TMC7: variants seen among roughly 807,000 people sequenced by gnomAD.
The protein encoded by TMC7 is transmembrane channel-like protein 7.
A neutral mutation model predicts 82.9 loss-of-function variants in TMC7; 54 were observed. That is an observed-to-expected ratio of 0.65 (90% CI 0.52 to 0.82). The LOEUF (loss-of-function observed/expected upper bound fraction) is 0.82. Among genes scored for constraint, TMC7 ranks in the 40% least tolerant of loss-of-function variants. The probability of loss-of-function intolerance (pLI) is 0.00; values close to 1 mark genes in which losing one functional copy is unlikely to be tolerated. For missense variants in TMC7, 820 were observed against 901.2 expected (o/e 0.91, Z 1.15); for synonymous variants, 350 against 337.9 (o/e 1.04, Z -0.39).
chr16:19,056,210 C>T (rs919424520), intron 13 of TMC7, among the ~76,000 whole-genome samples: 9 of 152,122 alleles, frequency 5.9e-5, no homozygotes, highest in Non-Finnish European at 1.2e-4. Context: ...CTACCTCAGC[C>T]TCCCAAGTAG....
chr16:19,016,211 T>C (rs1477039717), intron 2 of TMC7, among the ~76,000 whole-genome samples: 1 of 151,986 alleles, frequency 6.6e-6, no homozygotes, highest in African/African-American at 2.4e-5. Flanking sequence ...TGCCTCAGCC[T>C]CGTGGAGTAG....
chr16:19,014,416 A>G (rs1215888642), intron 2 of TMC7, among the ~76,000 whole-genome samples: 1 of 152,200 alleles, frequency 6.6e-6, no homozygotes, highest in East Asian at 1.9e-4. Flanking sequence ...TCCAAGTTAC[A>G]GATAAGGAAC....
intron 7 of TMC7, among the ~76,000 whole-genome samples, chr16:19,036,625 A>G (rs954560780): frequency 6.6e-6 from 1 of 152,166 alleles, no homozygotes; most frequent in African/African-American, 2.4e-5. Flanking sequence ...CTGAGGCAAG[A>G]GAATCAATTG....
chr16:18,995,742 A>C (rs2039033109), intron 1 of TMC7, among the ~76,000 whole-genome samples: 1 of 152,230 alleles, frequency 6.6e-6, no homozygotes, highest in African/African-American at 2.4e-5. Context: ...ACTTGGCTGC[A>C]TCTACTCTAT....
At chr16:18,994,612 G>C (rs954052315) in intron 1 of TMC7, among the ~76,000 whole-genome samples, 1 of 152,198 alleles carries the variant, frequency 6.6e-6, no homozygotes. Flanking sequence ...GATTTATGGG[G>C]TCAGCTAGGT....
chr16:19,060,894 C>T (rs1314410794), intron 15 of TMC7, among the ~76,000 whole-genome samples: 1 of 151,034 alleles, frequency 6.6e-6, no homozygotes. Flanking sequence ...TCAATTGATT[C>T]TCCTTCCTCA....
intron 5 of TMC7, among the ~76,000 whole-genome samples, chr16:19,023,697 T>A (rs1044208725): frequency 2.0e-5 from 3 of 152,196 alleles, no homozygotes; most frequent in African/African-American, 7.2e-5. Flanking sequence ...TCCACTCTCC[T>A]TGGCCTCCCA....
At chr16:18,987,764 G>T (rs1205024023) in intron 1 of TMC7, among the ~76,000 whole-genome samples, 1 of 152,134 alleles carries the variant, frequency 6.6e-6, no homozygotes, top group African/African-American at 2.4e-5. Context: ...CACACTGGCA[G>T]CCGTAACATA....
intron 5 of TMC7, among the ~76,000 whole-genome samples, chr16:19,028,969 T>A (rs932852862): frequency 2.7e-5 from 4 of 150,122 alleles, no homozygotes; most frequent in African/African-American, 7.4e-5. Context: ...TTGCACTTTT[T>A]AAAAAAAAAT....
At position 19,051,809 on chromosome 16, in the gene TMC7, A is replaced by T. The variant is rs769232729; in HGVS notation, c.1864A>T (p.Ile622Leu). 6.2e-7 allele frequency: 1 copy of T among 1,613,972 alleles called. No homozygotes were observed. Among genetic ancestry groups the T allele is most frequent in the Non-Finnish European group, 8.5e-7 (1 of 1,180,014 alleles). Residue 622 changes from isoleucine to leucine, a missense_variant, in exon 13 of 16, where the codon ATA (isoleucine) becomes TTA (leucine). Coordinates refer to ENST00000304381, the MANE Select transcript of TMC7 (RefSeq NM_024847.4). ...GGCAATAATACCTCTGACAATCAGC[A>T]TATCACGGTAAATGTGACTTTGTTT... ...CLAIIPLTISISRIPSSKACG... is the reference protein window; with the variant it reads ...CLAIIPLTISLSRIPSSKACG...
At chr16:18,999,794 C>T (rs896874524) in intron 1 of TMC7, among the ~76,000 whole-genome samples, 1 of 151,930 alleles carries the variant, frequency 6.6e-6, no homozygotes, top group East Asian at 1.9e-4. Flanking sequence ...GATAGAGTCT[C>T]GCCCTGTTGC....
At chr16:19,029,779 C>G (rs546615833) in intron 5 of TMC7, among the ~76,000 whole-genome samples, 1 of 151,206 alleles carries the variant, frequency 6.6e-6, no homozygotes, top group South Asian at 2.1e-4. Context: ...CTCCCGGGTT[C>G]AAGTGATTCT....
At chr16:19,051,634 C>T (rs1268639336) in intron 12 of TMC7, 52 bp from the exon 13 acceptor site, 20 of 1,602,358 alleles carry the variant, frequency 1.2e-5, no homozygotes, top group Admixed American at 3.4e-5. Context: ...TATTTATCTT[C>T]ACAGAAGCTG....
At chr16:19,029,446 T>C (rs556831262) in intron 5 of TMC7, among the ~76,000 whole-genome samples, 80 of 152,134 alleles carry the variant, frequency 5.3e-4, no homozygotes, top group Middle Eastern at 3.4e-3. Flanking sequence ...CTTGCTCTGT[T>C]ACCCAGTCTA....
chr16:19,050,551 A>G (rs1391338192), intron 12 of TMC7, among the ~76,000 whole-genome samples: 2 of 151,952 alleles, frequency 1.3e-5, no homozygotes, highest in Admixed American at 1.3e-4. Context: ...GCACAGTAGC[A>G]TGATACAGCT....
intron 1 of TMC7, among the ~76,000 whole-genome samples, chr16:19,007,656 C>T (rs1005276731): frequency 1.1e-4 from 17 of 150,990 alleles, no homozygotes; most frequent in Admixed American, 6.6e-4. Flanking sequence ...GGTGACAGAG[C>T]GAGACTCCGT....
intron 13 of TMC7, among the ~76,000 whole-genome samples, chr16:19,053,405 A>AT (rs960071510): frequency 7.1e-5 from 10 of 141,770 alleles, no homozygotes; most frequent in African/African-American, 2.3e-4. Context: ...TTTAGCTTTG[A>AT]TTTTTTTTTC....
intron 5 of TMC7, among the ~76,000 whole-genome samples, chr16:19,027,152 C>T (rs1331552153): frequency 7.0e-6 from 1 of 143,466 alleles, no homozygotes. Context: ...TCACTGCAAC[C>T]TCTGCCTCCT....
At chr16:19,052,583 G>A (rs902078193) in intron 13 of TMC7, among the ~76,000 whole-genome samples, 1 of 152,166 alleles carries the variant, frequency 6.6e-6, no homozygotes, top group African/African-American at 2.4e-5. Context: ...AGGCCCAGGT[G>A]GGGGTACTGG....
Sources: gnomAD v4.1 joint callset for allele counts (sites outside exome capture counted in the v4.1 genomes callset) on GRCh38, gnomAD v4.1.1 for gene constraint, MANE v1.5 for transcripts, NCBI Gene and HGNC (gene_info 2026-07-23, HGNC 2026-07-21) for gene names.